NCSTN: variants seen among roughly 807,000 people sequenced by gnomAD.
The protein encoded by NCSTN is nicastrin, also known as anterior pharynx-defective 2.
In NCSTN, 22 loss-of-function variants were observed where a neutral mutation model predicts 87.0. The observed-to-expected ratio is 0.25, with a 90% CI of 0.18 to 0.36. NCSTN has a LOEUF of 0.36. NCSTN is among the 10% of genes least tolerant of loss of function. The probability of loss-of-function intolerance (pLI) is 1.00; values close to 1 mark genes in which losing one functional copy is unlikely to be tolerated. For missense variants in NCSTN, 693 were observed against 883.3 expected (o/e 0.78, Z 2.73); for synonymous variants, 306 against 327.1 (o/e 0.94, Z 0.69).
chr1:160,344,218 C>A (rs1268575016), intron 1 of NCSTN, among the ~76,000 whole-genome samples: 1 of 152,100 alleles, frequency 6.6e-6, no homozygotes, highest in Non-Finnish European at 1.5e-5. Flanking sequence ...GAAACTACAG[C>A]TGCCCCACAC....
intron 11 of NCSTN, 95 bp downstream of exon 11, chr1:160,354,385 A>G (rs1297012109): frequency 7.5e-7 from 1 of 1,332,478 alleles, no homozygotes; most frequent in African/African-American, 1.5e-5. Context: ...TTCCCACACT[A>G]CCCCCTCCAG....
intron 2 of NCSTN, among the ~76,000 whole-genome samples, chr1:160,346,051 C>T (rs938798013): frequency 2.0e-5 from 3 of 151,724 alleles, no homozygotes; most frequent in African/African-American, 7.3e-5. Flanking sequence ...ACTGACAGGC[C>T]GTTTATTTTC....
intron 7 of NCSTN, 109 bp downstream of exon 7, chr1:160,351,914 G>T: frequency 1.4e-6 from 2 of 1,463,562 alleles, no homozygotes; most frequent in East Asian, 4.5e-5. Flanking sequence ...AGCCTCAAAT[G>T]GGGAGGAATC....
chr1:160,343,693 C>T (rs1014361628), intron 1 of NCSTN: 6 of 714,056 alleles, frequency 8.4e-6, no homozygotes, highest in African/African-American at 5.3e-5. Context: ...TCGCTTCACT[C>T]CCTTCTCTAG....
At chr1:160,349,716 C>T in intron 4 of NCSTN, 46 bp downstream of exon 4, 2 of 1,610,226 alleles carry the variant, frequency 1.2e-6, no homozygotes. Flanking sequence ...ACCTAAGGCT[C>T]ACTGTTGCTT....
intron 5 of NCSTN, 66 bp downstream of exon 5, chr1:160,350,316 G>T: frequency 1.3e-6 from 2 of 1,590,178 alleles, no homozygotes; most frequent in Non-Finnish European, 1.7e-6. Flanking sequence ...GCCAGGTGTG[G>T]TGGTGTGTGC....
chr1:160,357,295 C>T (rs1445006072), intron 16 of NCSTN, 42 bp downstream of exon 16: 1 of 1,538,920 alleles, frequency 6.5e-7, no homozygotes, highest in African/African-American at 1.4e-5. Context: ...ATCTGTTTGA[C>T]TTCTTTCTCT....
chr1:160,352,273 CT>C, intron 8 of NCSTN, 67 bp downstream of exon 8: 4 of 1,601,458 alleles, frequency 2.5e-6, no homozygotes, highest in South Asian at 2.2e-5. Flanking sequence ...AGAGTGGCTA[CT>C]GGTTGGAGAA....
In NCSTN at chr1:160,351,362, C is replaced by T; in HGVS notation, c.723C>T (p.Ser241=). ...GCAGCTCCATCCAAAGCACCTTCAG[C>T]ATCAACCCAGGTAGGGCAGATCCGA... is the stretch of plus-strand genomic sequence containing the variant. ...MRRSSIQSTF[S]INPEIVCDPL... Residue 241 remains serine, a synonymous_variant, in exon 6 of 17, where the codon AGC becomes AGT. Coordinates refer to ENST00000294785, the MANE Select transcript of NCSTN (RefSeq NM_015331.3). The T allele has an allele frequency of 6.2e-7, 1 of 1,614,182 alleles. No individual in the cohort carries two copies. Among genetic ancestry groups the T allele is most frequent in the Non-Finnish European group, 8.5e-7 (1 of 1,180,032 alleles).
In NCSTN at chr1:160,358,344, C is replaced by T; in HGVS notation, c.*73C>T. On this transcript the variant is annotated 3_prime_UTR_variant, in exon 17 of 17. Transcript: ENST00000294785. Reference sequence around the variant, plus strand: ...CATCTGTCCCACTGGGACACAACCACTAATTTGTCACTGGAACCTCCCTGG... The same window carrying T: ...CATCTGTCCCACTGGGACACAACCATTAATTTGTCACTGGAACCTCCCTGG... 6.2e-7 allele frequency: 1 copy of T among 1,603,776 alleles called. No homozygotes were observed. Among genetic ancestry groups the T allele is most frequent in the East Asian group, 2.2e-5 (1 of 44,836 alleles).
At position 160,347,063 on chromosome 1, in the gene NCSTN, A is replaced by G. The variant is rs537974196; in HGVS notation, c.191-1936A>G. On this transcript the variant is annotated intron_variant, in intron 2 of 16. Coordinates refer to ENST00000294785, the MANE Select transcript of NCSTN (RefSeq NM_015331.3). ...AGGCTCTAAGAAAACTCCTTTGGGA[A>G]TAAGTCATTCTACTCTATGTTCTTA... is the stretch of plus-strand genomic sequence containing the variant. Among the ~76,000 whole-genome samples, 5 of 152,338 alleles carry G rather than the reference A, an allele frequency of 3.3e-5. No individual in the cohort carries two copies. The South Asian group carries it at 8.3e-4, about 25-fold the overall frequency.
chr1:160,357,254 G>A lies in NCSTN; in HGVS notation c.2007+1G>A, dbSNP rs1289133558. ...TCTCATCGCCAGCAAAGAGCTTGAGGTGAGATGGGGCAGGGGCATAGGTGG... is the reference window on the plus strand; with the variant it reads ...TCTCATCGCCAGCAAAGAGCTTGAGATGAGATGGGGCAGGGGCATAGGTGG... On this transcript the variant is annotated splice_donor_variant, in intron 16 of 16. Transcript: ENST00000294785. LOFTEE classifies it high-confidence loss of function. 6.2e-7 allele frequency: 1 copy of A among 1,611,390 alleles called. No individual in the cohort carries two copies. The highest frequency in any genetic ancestry group is 8.5e-7 in the Non-Finnish European group (1 of 1,178,684).
At chr1:160,355,485 A>G (rs563899015) in intron 11 of NCSTN, among the ~76,000 whole-genome samples, 170 bp from the exon 12 acceptor site, 38 of 151,612 alleles carry the variant, frequency 2.5e-4, no homozygotes, top group African/African-American at 9.2e-4. Context: ...CCTCACTCCT[A>G]CCTCCCTGTT....
intron 7 of NCSTN, 77 bp from the exon 8 acceptor site, chr1:160,351,977 C>T: frequency 1.9e-6 from 3 of 1,572,706 alleles, no homozygotes; most frequent in East Asian, 2.2e-5. Context: ...GGTATATTCT[C>T]TTGACTGGAG....
chr1:160,357,382 C>T lies in NCSTN; in HGVS notation c.2007+129C>T, dbSNP rs1422095805. On this transcript the variant is annotated intron_variant, in intron 16 of 16. Transcript: ENST00000294785. ...AGCAAAAGCCTACTGCAAATCTGTC[C>T]CTGGTCAGCCAGCATGTTCCCTTAG... is the stretch of plus-strand genomic sequence containing the variant. 3 of 979,384 alleles carry T rather than the reference C, an allele frequency of 3.1e-6. No homozygotes were observed. The African/African-American group carries it at 4.8e-5, about 16-fold the overall frequency. 60.7% of individuals were successfully genotyped at this position (979,384 alleles called of 1,614,324 possible).
intron 2 of NCSTN, among the ~76,000 whole-genome samples, chr1:160,346,704 A>G (rs1648511409): frequency 6.6e-6 from 1 of 151,830 alleles, no homozygotes; most frequent in African/African-American, 2.4e-5. Flanking sequence ...CTCCCAGGTT[A>G]AAGCAATTCT....
chr1:160,351,596 T>C, intron 6 of NCSTN, 100 bp from the exon 7 acceptor site: 2 of 1,303,474 alleles, frequency 1.5e-6, no homozygotes, highest in Non-Finnish European at 2.2e-6. Flanking sequence ...AGAAAACGAC[T>C]TAGAGTCCGT....
chr1:160,354,346 G>A (rs2101906877), intron 11 of NCSTN, 56 bp downstream of exon 11: 1 of 1,588,118 alleles, frequency 6.3e-7, no homozygotes, highest in Non-Finnish European at 8.6e-7. Context: ...CTATTCTGCA[G>A]TCTGGGAGGA....
At chr1:160,344,495 A>G (rs1184279780) in intron 1 of NCSTN, 4 of 1,543,184 alleles carry the variant, frequency 2.6e-6, no homozygotes, top group East Asian at 2.4e-5. Flanking sequence ...CAATGGCGCT[A>G]CATGGACTTT....
Sources: gnomAD v4.1 joint callset for allele counts (sites outside exome capture counted in the v4.1 genomes callset) on GRCh38, gnomAD v4.1.1 for gene constraint, MANE v1.5 for transcripts, NCBI Gene and HGNC (gene_info 2026-07-23, HGNC 2026-07-21) for gene names.